Variants in BCL7B observed in about 807,000 individuals in gnomAD.
BCL7B encodes BAF chromatin remodeling complex subunit BCL7B.
BCL7B carries 11 observed loss-of-function variants against 26.5 expected under a neutral mutation model. The observed-to-expected ratio is 0.42, with a 90% confidence interval of 0.26 to 0.69. BCL7B has a LOEUF of 0.69. BCL7B is among the 30% of genes least tolerant of loss of function. The pLI, the probability that BCL7B is intolerant of heterozygous loss-of-function variation, is 0.28. For synonymous variants in BCL7B, 111 were observed against 107.9 expected (o/e 1.03, Z -0.18); for missense variants, 215 against 264.4 (o/e 0.81, Z 1.30).
intron 5 of BCL7B, 48 bp downstream of exon 5, chr7:73,537,886 C>T: frequency 6.9e-7 from 1 of 1,459,770 alleles, no homozygotes; most frequent in Non-Finnish European, 9.3e-7. Flanking sequence ...GAGACCCTGC[C>T]TTAAACCAAA....
rs1791851969 is a variant in BCL7B at position 73,543,620 on chromosome 7, A to C, written c.193T>G (p.Ser65Ala). The stretch of plus-strand genomic sequence containing the variant: ...AAGCCATTAGGTTCTCGGGCTGCTG[A>C]ACTGTTCGATTTTGACTTTTCTTTC... Reference protein sequence around the residue: ...KEKEKSKSNSSAAREPNGFPS... With the variant: ...KEKEKSKSNSAAAREPNGFPS... The change falls in exon 3 of 6, where the codon TCA (serine) becomes GCA (alanine). Residue 65 changes from serine (S) to alanine (A), a missense_variant. Transcript: ENST00000223368. 6.2e-7 allele frequency: 1 copy of C among 1,613,658 alleles called. No individual in the cohort carries two copies. The highest frequency in any genetic ancestry group is 1.3e-5 in the African/African-American group (1 of 74,848).
chr7:73,540,356 A>G (rs569316973), intron 3 of BCL7B: 1 of 287,136 alleles, frequency 3.5e-6, no homozygotes, highest in East Asian at 6.5e-5. Flanking sequence ...GTACTTCTCA[A>G]TCCTTCTCAC....
chr7:73,552,257 C>A lies in BCL7B; in HGVS notation c.93-15G>T. The A allele has an allele frequency of 6.3e-7, 1 of 1,598,190 alleles. No homozygotes were observed. Among genetic ancestry groups the A allele is most frequent in the Non-Finnish European group, 8.6e-7 (1 of 1,168,846 alleles). ...ACTTCTTCTCCCTAAAAGAAAGACA[C>A]TTCTTAGAACGGATAAAACAATGCA... On this transcript the variant is annotated splice_polypyrimidine_tract_variant and intron_variant, in intron 1 of 5. Transcript: ENST00000223368.
chr7:73,539,787 T>G, intron 4 of BCL7B, 95 bp downstream of exon 4: 1 of 1,439,854 alleles, frequency 6.9e-7, no homozygotes, highest in Non-Finnish European at 9.4e-7. Flanking sequence ...GGCTCTGAGG[T>G]GCTCTCTCGA....
intron 3 of BCL7B, 102 bp from the exon 4 acceptor site, chr7:73,540,154 G>T: frequency 8.1e-7 from 1 of 1,233,482 alleles, no homozygotes; most frequent in Non-Finnish European, 1.1e-6. Context: ...AGGCAGCCAA[G>T]GATACAACTG....
At position 73,536,529 on chromosome 7, in the gene BCL7B, A is replaced by AAGGGGTACTGTGGGGG. The variant is rs1451024773; in HGVS notation, c.*753_*768dup. 2.0e-5 allele frequency: 3 copies of AAGGGGTACTGTGGGGG among 152,584 alleles called. No individual in the cohort carries two copies. In the East Asian group the frequency reaches 5.8e-4, roughly 29 times the overall value. 9.5% of individuals were successfully genotyped at this position (152,584 alleles called of 1,614,324 possible). A position where few individuals can be genotyped will look rare whatever the true frequency, so the allele number is the denominator to read the frequency against. On this transcript the variant is annotated 3_prime_UTR_variant, in exon 6 of 6. Coordinates refer to ENST00000223368, the MANE Select transcript of BCL7B (RefSeq NM_001707.4). ...AGGGAGCTTTCTAGAAACTGAGCTG[A>AAGGGGTACTGTGGGGG]AGGGGTACTGTGGGGGATGGGTACT...
At chr7:73,552,387 C>T in intron 1 of BCL7B, 145 bp from the exon 2 acceptor site, 1 of 689,596 alleles carries the variant, frequency 1.5e-6, no homozygotes, top group Non-Finnish European at 2.5e-6. Flanking sequence ...GTAGCTCACA[C>T]CTGAAATCCC....
chr7:73,538,033 G>A lies in BCL7B; in HGVS notation c.437-20C>T, dbSNP rs575593947. 5.8e-6 allele frequency: 9 copies of A among 1,562,062 alleles called. No homozygotes were observed. The highest frequency in any genetic ancestry group is 5.5e-5 in the African/African-American group (4 of 72,746). ...AGGGCTCTGAAAAGGCAGTAGGGTC[G>A]GCCTGAGGGCAGGGCTCCCCTGAGG... On this transcript the variant is annotated intron_variant, in intron 4 of 5. Transcript: ENST00000223368.
chr7:73,543,753 GA>G, intron 2 of BCL7B, 109 bp from the exon 3 acceptor site: 2 of 713,846 alleles, frequency 2.8e-6, no homozygotes, highest in South Asian at 1.5e-5. Context: ...GACTGAACAG[GA>G]AAAACGACAG....
chr7:73,537,442 C>G (rs782792047), intron 5 of BCL7B, 52 bp from the exon 6 acceptor site: 11 of 1,400,150 alleles, frequency 7.9e-6, no homozygotes, highest in Non-Finnish European at 1.0e-5. Context: ...CAACCAGAAC[C>G]TTCCCACCCA....
intron 2 of BCL7B, among the ~76,000 whole-genome samples, chr7:73,551,607 T>A (rs1279703181): frequency 1.3e-5 from 2 of 151,892 alleles, no homozygotes; most frequent in African/African-American, 2.4e-5. Flanking sequence ...CCCAGCCAGT[T>A]ATGTTCTAAT....
At chr7:73,545,805 G>T (rs1348465277) in intron 2 of BCL7B, among the ~76,000 whole-genome samples, 10 of 152,130 alleles carry the variant, frequency 6.6e-5, no homozygotes, top group African/African-American at 2.4e-4. Flanking sequence ...GCTGAACCCT[G>T]AGGCTAACCT....
At chr7:73,557,193 G>A (rs1357450840) in intron 1 of BCL7B, 4 of 1,036,906 alleles carry the variant, frequency 3.9e-6, no homozygotes, top group Non-Finnish European at 4.6e-6. Context: ...GCCGGGCGCG[G>A]GCACCGACGC....
chr7:73,547,233 C>A (rs946325985), intron 2 of BCL7B, among the ~76,000 whole-genome samples: 18 of 151,796 alleles, frequency 1.2e-4, no homozygotes, highest in Admixed American at 9.8e-4. Context: ...GAGGCCAAGA[C>A]AGAAGGATCG....
chr7:73,547,185 G>A (rs1409223771), intron 2 of BCL7B, among the ~76,000 whole-genome samples: 2 of 150,270 alleles, frequency 1.3e-5, no homozygotes, highest in African/African-American at 4.9e-5. Flanking sequence ...GCAGCTGCGT[G>A]GGTGCAGTGG....
intron 2 of BCL7B, among the ~76,000 whole-genome samples, chr7:73,551,361 G>A (rs1361545341): frequency 2.0e-5 from 3 of 152,150 alleles, no homozygotes; most frequent in African/African-American, 4.8e-5. Context: ...GTGCAGTGGC[G>A]GGATCTTGGC....
chr7:73,541,183 A>G (rs1272735811), intron 3 of BCL7B, among the ~76,000 whole-genome samples: 2 of 152,168 alleles, frequency 1.3e-5, no homozygotes, highest in Non-Finnish European at 2.9e-5. Context: ...AAAGAAAAAA[A>G]GTAAGAGTCA....
At position 73,542,882 on chromosome 7, in the gene BCL7B, CTGG is replaced by C. The variant is rs1554583026; in HGVS notation, c.265+663_265+665del. On this transcript the variant is annotated intron_variant, in intron 3 of 5. Coordinates refer to ENST00000223368, the MANE Select transcript of BCL7B (RefSeq NM_001707.4). ...TTGAGGCCAGGAGTTCACAACCAGC[CTGG>C]ACAACATAGCCAGACTCTGTCTCTA... 6 of 449,638 alleles carry C rather than the reference CTGG, an allele frequency of 1.3e-5. No individual in the cohort carries two copies. The Admixed American group carries it at 1.4e-4, about 11-fold the overall frequency. 27.9% of individuals were successfully genotyped at this position (449,638 alleles called of 1,614,324 possible). A position where few individuals can be genotyped will look rare whatever the true frequency, so the allele number is the denominator to read the frequency against.
At chr7:73,540,985 G>A (rs1241636311) in intron 3 of BCL7B, among the ~76,000 whole-genome samples, 1 of 151,480 alleles carries the variant, frequency 6.6e-6, no homozygotes, top group Non-Finnish European at 1.5e-5. Context: ...CGTCTCTACT[G>A]AAAATACAAA....
Sources: allele counts gnomAD v4.1 joint callset (sites outside exome capture counted in the v4.1 genomes callset), GRCh38; gene constraint gnomAD v4.1.1; transcripts MANE v1.5; gene names NCBI Gene and HGNC (gene_info 2026-07-23, HGNC 2026-07-21).